GRAP2: variants seen among roughly 807,000 people sequenced by gnomAD.
GRAP2 encodes GRB2-related adapter protein 2.
Under a neutral mutation model 43.5 loss-of-function variants are expected in GRAP2, and 31 were observed. The ratio of observed to expected loss-of-function variants is 0.71; its 90% confidence interval spans 0.54 to 0.96. The LOEUF (loss-of-function observed/expected upper bound fraction) is 0.96, where lower values mean the gene tolerates loss of function less well. Ranked by LOEUF, GRAP2 falls within the 40% of genes least tolerant of loss-of-function variation. The pLI is 0.00. For synonymous variants in GRAP2, 156 were observed against 164.8 expected, an observed-to-expected ratio of 0.95 and a Z score of 0.41; for missense variants, 371 against 424.4, an observed-to-expected ratio of 0.87 and a Z score of 1.11.
At chr22:39,900,535 A>G (rs1204777715), upstream of GRAP2, among the ~76,000 whole-genome samples, 3 of 152,218 alleles carry the variant, frequency 2.0e-5, no homozygotes, top group Non-Finnish European at 4.4e-5. Flanking sequence ...ACAAAACTCA[A>G]GGTCAATGGA....
At chr22:39,894,417 T>G in the GRAP2 span, among the ~76,000 whole-genome samples, 1 of 61,732 alleles carries the variant, frequency 1.6e-5, no homozygotes, top group South Asian at 6.9e-4. Context: ...GGGACTGTTG[T>G]GGGGTGGGGG....
At chr22:39,927,303 C>T (rs1043582203) in intron 1 of GRAP2, among the ~76,000 whole-genome samples, 3 of 152,152 alleles carry the variant, frequency 2.0e-5, no homozygotes, top group Non-Finnish European at 4.4e-5. Context: ...GGGTTTATTT[C>T]ATTGTTGATT....
chr22:39,928,095 C>T (rs1015893454), intron 1 of GRAP2, among the ~76,000 whole-genome samples: 2 of 152,204 alleles, frequency 1.3e-5, no homozygotes, highest in Admixed American at 1.3e-4. Context: ...CAGAAATTGT[C>T]GAGGCCAAAC....
chr22:39,912,321 G>A (rs2145576762), intron 1 of GRAP2, among the ~76,000 whole-genome samples: 1 of 152,328 alleles, frequency 6.6e-6, no homozygotes, highest in South Asian at 2.1e-4. Context: ...AGGAGGCTGA[G>A]GCAGGAGGAT....
chr22:39,899,872 G>T (rs1429144501), upstream of GRAP2, among the ~76,000 whole-genome samples: 5 of 152,084 alleles, frequency 3.3e-5, no homozygotes, highest in African/African-American at 1.2e-4. Flanking sequence ...TGTAATCCCA[G>T]CTACTTGGGA....
At chr22:39,919,760 C>G (rs1285031002) in intron 1 of GRAP2, among the ~76,000 whole-genome samples, 1 of 152,214 alleles carries the variant, frequency 6.6e-6, no homozygotes, top group Non-Finnish European at 1.5e-5. Flanking sequence ...AAGCATCTAT[C>G]TTGAGCAAGC....
At chr22:39,957,088 G>T (rs2067062123) in intron 3 of GRAP2, among the ~76,000 whole-genome samples, 1 of 152,162 alleles carries the variant, frequency 6.6e-6, no homozygotes, top group African/African-American at 2.4e-5. Context: ...CTCAAGAATT[G>T]ACCACAAGGG....
At chr22:39,964,583 C>T in intron 4 of GRAP2, 1 of 788,256 alleles carries the variant, frequency 1.3e-6, no homozygotes, top group Non-Finnish European at 2.3e-6. Context: ...GTTCCTTGTG[C>T]CTAAGGAGAC....
At chr22:39,902,206 C>T (rs2066497741) in intron 1 of GRAP2, among the ~76,000 whole-genome samples, 2 of 152,150 alleles carry the variant, frequency 1.3e-5, no homozygotes, top group Admixed American at 1.3e-4. Context: ...CGTGTGTTCT[C>T]GTTATGTTAT....
At chr22:39,900,508 T>A (rs1382731109), upstream of GRAP2, among the ~76,000 whole-genome samples, 3 of 152,108 alleles carry the variant, frequency 2.0e-5, no homozygotes, top group African/African-American at 7.2e-5. Flanking sequence ...AGGTAAGAAC[T>A]AAGGAAGTTG....
At chr22:39,964,059 G>A (rs188091642) in intron 4 of GRAP2, 128 of 264,156 alleles carry the variant, frequency 4.8e-4, no homozygotes, top group African/African-American at 2.4e-3. Context: ...TTTACTCTCC[G>A]AGACCCTTTA....
At chr22:39,947,366 G>C (rs904598776) in intron 2 of GRAP2, 182 bp downstream of exon 2, 2 of 594,516 alleles carry the variant, frequency 3.4e-6, no homozygotes, top group South Asian at 4.0e-5. Context: ...AAATACAGTC[G>C]GCATAAGCCA....
At chr22:39,917,163 A>G (rs1001287126) in intron 1 of GRAP2, among the ~76,000 whole-genome samples, 1 of 152,168 alleles carries the variant, frequency 6.6e-6, no homozygotes, top group Non-Finnish European at 1.5e-5. Flanking sequence ...GATTTGATAC[A>G]CAATTATTTG....
intron 6 of GRAP2, 113 bp downstream of exon 6, chr22:39,968,385 C>G (rs977967476): frequency 8.6e-6 from 11 of 1,277,810 alleles, no homozygotes; most frequent in Non-Finnish European, 1.1e-5. Context: ...AGACCCTGGA[C>G]CCCCCCAAAT....
intron 2 of GRAP2, among the ~76,000 whole-genome samples, chr22:39,949,498 A>T (rs2066959132): frequency 6.6e-6 from 1 of 152,206 alleles, no homozygotes; most frequent in Non-Finnish European, 1.5e-5. Context: ...ACTCCTAAGC[A>T]CTAAACTCTG....
Position 39,913,100 on chromosome 22 carries a change from G to A in GRAP2, c.-15+11770G>A, listed in dbSNP as rs146482041. On this transcript the variant is annotated intron_variant, in intron 1 of 7. Transcript: ENST00000344138. ...CCCAGCTACTCGGGTGGCTGAGGTG[G>A]GAGAATCGCTTATACCTAGGAGCTG... 3.3e-5 allele frequency among the ~76,000 whole-genome samples: 5 copies of A among 151,944 alleles called. No homozygotes were observed. The East Asian group carries it at 9.7e-4, about 29-fold the overall frequency.
At position 39,947,352 on chromosome 22, in the gene GRAP2, A is replaced by T. The variant is rs558170789; in HGVS notation, c.78+168A>T. 13 of 611,944 alleles carry T rather than the reference A, an allele frequency of 2.1e-5. No homozygotes were observed. In the East Asian group the frequency reaches 3.6e-4, roughly 17 times the overall value. The allele number at this position is 611,944 out of a possible 1,614,324, so 37.9% of individuals were successfully genotyped here. ...TACCAGACACCAACCAGGCCGGGTG[A>T]TGGAAATACAGTCGGCATAAGCCAC... On this transcript the variant is annotated intron_variant, in intron 2 of 7. Transcript: ENST00000344138.
At chr22:39,970,360 C>A (rs2067226378) in intron 7 of GRAP2, among the ~76,000 whole-genome samples, 1 of 152,190 alleles carries the variant, frequency 6.6e-6, no homozygotes, top group South Asian at 2.1e-4. Context: ...GGATTACAGG[C>A]ATGAGCCACC....
chr22:39,917,829 C>G (rs1404748186), intron 1 of GRAP2, among the ~76,000 whole-genome samples: 1 of 152,174 alleles, frequency 6.6e-6, no homozygotes, highest in Non-Finnish European at 1.5e-5. Context: ...TAGGCCCTTT[C>G]TTGCTCACAT....
Sources: allele counts gnomAD v4.1 joint callset (sites outside exome capture counted in the v4.1 genomes callset), GRCh38; gene constraint gnomAD v4.1.1; transcripts MANE v1.5; gene names NCBI Gene and HGNC (gene_info 2026-07-23, HGNC 2026-07-21).